Variants in MAP4K4 observed in about 807,000 individuals in gnomAD.
MAP4K4 encodes mitogen-activated protein kinase kinase kinase kinase 4.
A neutral mutation model predicts 189.6 loss-of-function variants in MAP4K4; 38 were observed. That is an observed-to-expected ratio of 0.20 (90% CI 0.15 to 0.26). The LOEUF (loss-of-function observed/expected upper bound fraction) is 0.26. Among genes scored for constraint, MAP4K4 ranks in the 10% least tolerant of loss-of-function variants. The probability of loss-of-function intolerance (pLI) is 1.00; values close to 1 mark genes in which losing one functional copy is unlikely to be tolerated. For synonymous variants in MAP4K4, 610 were observed against 624.3 expected, an observed-to-expected ratio of 0.98 and a Z score of 0.34; for missense variants, 1,054 against 1,726.9, an observed-to-expected ratio of 0.61 and a Z score of 6.91.
At chr2:101,889,568 G>C (rs565777784) in intron 32 of MAP4K4, among the ~76,000 whole-genome samples, 3 of 152,248 alleles carry the variant, frequency 2.0e-5, no homozygotes, top group Admixed American at 2.0e-4. Context: ...CAGATAGATG[G>C]CCAGGGGCGT....
chr2:101,859,803 A>G, exon 15 of MAP4K4: 2 of 1,611,216 alleles, frequency 1.2e-6, no homozygotes, highest in Non-Finnish European at 1.7e-6. Flanking sequence ...GAAAGGAGCA[A>G]GCCAAGCTTC....
intron 3 of MAP4K4, among the ~76,000 whole-genome samples, chr2:101,816,713 A>G (rs140928680): frequency 2.0e-5 from 3 of 152,306 alleles, no homozygotes; most frequent in African/African-American, 7.2e-5. Context: ...GGATTGGTAC[A>G]TCATAGTAAA....
rs58201235 is a variant in MAP4K4, at chr2:101,797,889, G to GTTTTTTTTTTTTTTTTTTTTTTTTTTT, written c.180+7134_180+7135insTTTTTTTTTTTTTTTTTTTTTTTTTTT. Among the ~76,000 whole-genome samples the GTTTTTTTTTTTTTTTTTTTTTTTTTTT allele has an allele frequency of 6.7e-4, 35 of 52,328 alleles. 7 individuals are homozygous for GTTTTTTTTTTTTTTTTTTTTTTTTTTT. The highest frequency in any genetic ancestry group is 8.4e-4 in the Non-Finnish European group (25 of 29,938). The allele number at this position is 52,328 out of a possible 152,430, so 34.3% of individuals were successfully genotyped here. On this transcript the variant is annotated intron_variant, in intron 3 of 32. Transcript: ENST00000324219. ...TGAAGCTTTTTAAAACATTCTTTTAGTTTTTTTTTTTTTTTTTTTTTGGAG... is the reference window on the plus strand; with the variant it reads ...TGAAGCTTTTTAAAACATTCTTTTAGTTTTTTTTTTTTTTTTTTTTTTTTTTTTTTTTTTTTTTTTTTTTTTTTGGAG...
exon 33 of MAP4K4, chr2:101,893,284 G>C (rs139750385): frequency 2.2e-6 from 1 of 456,170 alleles, no homozygotes; most frequent in East Asian, 6.9e-5. Flanking sequence ...TTACTTTTTG[G>C]GGAAGTAAAA....
intron 2 of MAP4K4, among the ~76,000 whole-genome samples, chr2:101,717,259 G>T (rs926420690): frequency 6.6e-6 from 1 of 152,164 alleles, no homozygotes; most frequent in African/African-American, 2.4e-5. Flanking sequence ...AGCTGTCAGC[G>T]TGCGGCCTTC....
chr2:101,711,349 G>C (rs1176920521), intron 2 of MAP4K4, among the ~76,000 whole-genome samples: 1 of 151,942 alleles, frequency 6.6e-6, no homozygotes, highest in African/African-American at 2.4e-5. Context: ...CTGCCTCCAG[G>C]GTTCAAGCAA....
chr2:101,880,642 G>C (rs6740281), intron 27 of MAP4K4, among the ~76,000 whole-genome samples: 13,504 of 151,910 alleles, frequency 0.089, 1,698 homozygotes, highest in African/African-American at 0.28. Context: ...CCGAGTAGCT[G>C]GGATTATAGG....
At chr2:101,860,768 ATAT>A in intron 15 of MAP4K4, 54 bp from the exon 16 acceptor site, 4 of 1,390,068 alleles carry the variant, frequency 2.9e-6, no homozygotes, top group Non-Finnish European at 3.9e-6. Context: ...ACTTTCTTTG[ATAT>A]TTCTGCTTTT....
chr2:101,829,833 G>C (rs2096538347), intron 6 of MAP4K4: 1 of 393,154 alleles, frequency 2.5e-6, no homozygotes, highest in Admixed American at 3.9e-5. Flanking sequence ...CTTCAAATCA[G>C]ACCATGCCAC....
chr2:101,757,582 C>G lies in MAP4K4; in HGVS notation c.124-33138C>G, dbSNP rs775143825. Reference sequence around the variant, plus strand: ...AAAAATAACACAGTCCCCCCTTATCCACGGGGGATACATTCCAAGACCCCC... The same window carrying G: ...AAAAATAACACAGTCCCCCCTTATCGACGGGGGATACATTCCAAGACCCCC... On this transcript the variant is annotated intron_variant, in intron 2 of 32. Transcript: ENST00000324219. Among the ~76,000 whole-genome samples, 2 of 152,170 alleles carry G rather than the reference C, an allele frequency of 1.3e-5. 1 individual carries two copies. The highest frequency in any genetic ancestry group is 4.2e-4 in the South Asian group (2 of 4,818).
At position 101,844,097 on chromosome 2, in the gene MAP4K4, A is replaced by G. The variant is rs141892724; in HGVS notation, c.1023-4A>G. ...ACCCCTGAAAGCCCTGCTTTTTCCA[A>G]CAGTTCCATTGTGAACGTGCCTGGT... On this transcript the variant is annotated splice_region_variant and splice_polypyrimidine_tract_variant and intron_variant, in intron 11 of 32. Transcript: ENST00000324219. 5.6e-6 allele frequency: 9 copies of G among 1,608,338 alleles called. No homozygotes were observed. The highest frequency in any genetic ancestry group is 5.1e-5 in the Admixed American group (3 of 59,402).
intron 2 of MAP4K4, among the ~76,000 whole-genome samples, chr2:101,762,359 G>A (rs1352144121): frequency 1.3e-5 from 2 of 152,180 alleles, no homozygotes; most frequent in African/African-American, 4.8e-5. Context: ...AGGTAGCCCA[G>A]TTGGTCTTGT....
At chr2:101,805,358 A>C (rs1190025391) in intron 3 of MAP4K4, among the ~76,000 whole-genome samples, 1 of 152,134 alleles carries the variant, frequency 6.6e-6, no homozygotes, top group Non-Finnish European at 1.5e-5. Context: ...TATAAATGGA[A>C]CCATACGGTA....
At chr2:101,888,983 A>G (rs372768462) in intron 32 of MAP4K4, 48 bp downstream of exon 32, 1 of 1,497,600 alleles carries the variant, frequency 6.7e-7, no homozygotes, top group Non-Finnish European at 9.1e-7. Flanking sequence ...TCTTTTAATA[A>G]TGGCTTGTTT....
chr2:101,705,196 T>C (rs558252406), intron 2 of MAP4K4, among the ~76,000 whole-genome samples: 42 of 152,284 alleles, frequency 2.8e-4, no homozygotes, highest in Admixed American at 1.6e-3. Context: ...CGATTAACCA[T>C]ATAAGGGTGG....
At chr2:101,740,985 T>C (rs151200244) in intron 2 of MAP4K4, among the ~76,000 whole-genome samples, 3,746 of 152,234 alleles carry the variant, frequency 0.025, 60 homozygotes, top group South Asian at 0.053. Flanking sequence ...TTGCTACAAA[T>C]GATGAGACTG....
At chr2:101,705,759 G>T (rs762956200) in intron 2 of MAP4K4, among the ~76,000 whole-genome samples, 1 of 152,212 alleles carries the variant, frequency 6.6e-6, no homozygotes, top group Non-Finnish European at 1.5e-5. Flanking sequence ...TGGCAGGATT[G>T]AATTTGTAGC....
intron 2 of MAP4K4, among the ~76,000 whole-genome samples, chr2:101,722,495 GAA>G (rs1207558469): frequency 1.3e-4 from 20 of 152,182 alleles, no homozygotes; most frequent in African/African-American, 4.8e-4. Context: ...ATATTTGAGA[GAA>G]AGAGGTAAAT....
chr2:101,894,323 A>T (rs1016020988), exon 33 of MAP4K4: 2 of 152,742 alleles, frequency 1.3e-5, no homozygotes, highest in African/African-American at 4.8e-5. Flanking sequence ...CCCTTTCTGT[A>T]TTGAGTGCAG....
Sources: allele counts gnomAD v4.1 joint callset (sites outside exome capture counted in the v4.1 genomes callset), GRCh38; gene constraint gnomAD v4.1.1; transcripts MANE v1.5; gene names NCBI Gene and HGNC (gene_info 2026-07-23, HGNC 2026-07-21).